The following TMTC1 variants were observed in gnomAD, a reference collection of about 807,000 sequenced individuals.
The protein encoded by TMTC1 is protein O-mannosyl-transferase TMTC1.
Under a neutral mutation model 104.8 loss-of-function variants are expected in TMTC1, and 73 were observed. That is an observed-to-expected ratio of 0.70 (90% CI 0.58 to 0.85). TMTC1 has a LOEUF of 0.85. TMTC1 is among the 40% of genes least tolerant of loss of function. The probability of loss-of-function intolerance (pLI) is 0.00; values close to 1 mark genes in which losing one functional copy is unlikely to be tolerated. For missense variants in TMTC1, 1,035 were observed against 1,096.1 expected, an observed-to-expected ratio of 0.94 and a Z score of 0.79; for synonymous variants, 434 against 428.7, an observed-to-expected ratio of 1.01 and a Z score of -0.15.
chr12:29,702,518 G>A (rs190182234), intron 5 of TMTC1, among the ~76,000 whole-genome samples: 87 of 152,312 alleles, frequency 5.7e-4, no homozygotes, highest in African/African-American at 1.9e-3. Context: ...CATCCTCAGA[G>A]AAAGTGAGCG....
chr12:29,552,425 T>C (rs753540511), intron 10 of TMTC1, among the ~76,000 whole-genome samples: 2 of 152,250 alleles, frequency 1.3e-5, no homozygotes, highest in Non-Finnish European at 2.9e-5. Context: ...CTTTTTAAAA[T>C]GTTTTAAAAT....
chr12:29,560,846 T>C (rs1180269084), intron 9 of TMTC1, among the ~76,000 whole-genome samples: 9 of 152,204 alleles, frequency 5.9e-5, no homozygotes, highest in South Asian at 2.1e-4. Flanking sequence ...AGCATGTTAA[T>C]AGGAAAAAGT....
chr12:29,602,122 C>T (rs1358514105), intron 7 of TMTC1, among the ~76,000 whole-genome samples: 1 of 151,938 alleles, frequency 6.6e-6, no homozygotes, highest in African/African-American at 2.4e-5. Flanking sequence ...GCTTGAGCCA[C>T]CGCGCCTGGC....
intron 14 of TMTC1, among the ~76,000 whole-genome samples, chr12:29,516,934 G>T (rs998035357): frequency 1.3e-5 from 2 of 152,108 alleles, no homozygotes; most frequent in African/African-American, 2.4e-5. Flanking sequence ...AATACACTGT[G>T]GTTATGTTAG....
At chr12:29,714,250 C>T (rs768416087) in intron 5 of TMTC1, among the ~76,000 whole-genome samples, 1 of 152,192 alleles carries the variant, frequency 6.6e-6, no homozygotes, top group Admixed American at 6.5e-5. Context: ...TAGTGGCCAG[C>T]GCAGCTTGCA....
chr12:29,705,920 A>G (rs543569153), intron 5 of TMTC1, among the ~76,000 whole-genome samples: 1 of 152,258 alleles, frequency 6.6e-6, no homozygotes, highest in South Asian at 2.1e-4. Context: ...CTAATTCCCA[A>G]GAATGTCTGC....
chr12:29,568,752 G>A, intron 9 of TMTC1: 1 of 351,984 alleles, frequency 2.8e-6, no homozygotes, highest in Non-Finnish European at 5.7e-6. Context: ...TATTCAGGGA[G>A]AATCACTATT....
At chr12:29,782,536 C>T (rs998851385) in intron 1 of TMTC1, among the ~76,000 whole-genome samples, 1 of 152,230 alleles carries the variant, frequency 6.6e-6, no homozygotes, top group Non-Finnish European at 1.5e-5. Context: ...TTAAAATGAA[C>T]TTCAATGCTG....
At chr12:29,708,140 G>T (rs377138369) in intron 5 of TMTC1, among the ~76,000 whole-genome samples, 4 of 152,116 alleles carry the variant, frequency 2.6e-5, no homozygotes, top group Non-Finnish European at 5.9e-5. Flanking sequence ...CCTCCAGAAG[G>T]ATACAACACA....
Position 29,633,042 on chromosome 12 carries a change from G to A in TMTC1, c.1128+105C>T. 4.8e-6 allele frequency: 5 copies of A among 1,046,598 alleles called. No individual in the cohort carries two copies. The South Asian group carries it at 9.3e-5, about 19-fold the overall frequency. The allele number at this position is 1,046,598 out of a possible 1,614,324, so 64.8% of individuals were successfully genotyped here. On this transcript the variant is annotated intron_variant, in intron 6 of 17. Coordinates refer to ENST00000539277, the MANE Select transcript of TMTC1 (RefSeq NM_001193451.2). ...TACAAAAAATTTACATAGACAAGGA[G>A]AGGAGATTCAATTTACACCCAGACC...
chr12:29,553,469 C>A (rs1374202510), intron 10 of TMTC1, among the ~76,000 whole-genome samples: 1 of 152,062 alleles, frequency 6.6e-6, no homozygotes, highest in Non-Finnish European at 1.5e-5. Context: ...GTGTAACAGG[C>A]AAGAGGAGGT....
intron 5 of TMTC1, among the ~76,000 whole-genome samples, chr12:29,725,166 T>A (rs1354815278): frequency 6.6e-6 from 1 of 150,834 alleles, no homozygotes; most frequent in Non-Finnish European, 1.5e-5. Context: ...TACAGGCACC[T>A]GCCACCATGT....
At chr12:29,596,354 C>CCCTTCCCTTAATGATA (rs2136372642) in intron 7 of TMTC1, among the ~76,000 whole-genome samples, 2 of 152,266 alleles carry the variant, frequency 1.3e-5, no homozygotes, top group African/African-American at 4.8e-5. Context: ...GCCACAGATT[C>CCCTTCCCTTAATGATA]CCTTCCAATG....
chr12:29,722,948 GAAAA>G (rs56699007), intron 5 of TMTC1, among the ~76,000 whole-genome samples: 64,277 of 142,466 alleles, frequency 0.45, 14,378 homozygotes, highest in South Asian at 0.63. Context: ...AAGAAAGAAA[GAAAA>G]AAGAAAAGAA....
At chr12:29,620,423 C>T (rs1254466277) in intron 6 of TMTC1, among the ~76,000 whole-genome samples, 2 of 152,176 alleles carry the variant, frequency 1.3e-5, no homozygotes, top group Non-Finnish European at 2.9e-5. Context: ...AGGGGACTGG[C>T]TTCCACTTGA....
At chr12:29,667,023 A>G (rs1565753384) in intron 5 of TMTC1, among the ~76,000 whole-genome samples, 2 of 152,234 alleles carry the variant, frequency 1.3e-5, no homozygotes, top group Non-Finnish European at 2.9e-5. Context: ...TCAAGAAAAA[A>G]GATTTCTCAG....
rs1393966796 is a variant in TMTC1 at position 29,781,608 on chromosome 12, C to T, written c.302+1842G>A. On this transcript the variant is annotated intron_variant, in intron 1 of 17. Transcript: ENST00000539277. ...CTGGGAGGCTGAGGCTTAAAGATCG[C>T]TTAGCCCAGGAGTTCAACACCAGCC... 3.3e-5 allele frequency among the ~76,000 whole-genome samples: 5 copies of T among 152,164 alleles called. No homozygotes were observed. In the East Asian group the frequency reaches 9.6e-4, roughly 29 times the overall value.
At chr12:29,774,143 T>G (rs1295007269) in intron 1 of TMTC1, among the ~76,000 whole-genome samples, 3 of 152,128 alleles carry the variant, frequency 2.0e-5, no homozygotes, top group Non-Finnish European at 4.4e-5. Flanking sequence ...CATCTCAACC[T>G]CATTAAACAT....
chr12:29,738,979 G>A (rs559297191), intron 5 of TMTC1, among the ~76,000 whole-genome samples: 19 of 152,204 alleles, frequency 1.2e-4, no homozygotes, highest in East Asian at 1.9e-4. Context: ...ACAAATATGC[G>A]GGATTCAATT....
Sources: gnomAD v4.1 joint callset for allele counts (sites outside exome capture counted in the v4.1 genomes callset) on GRCh38, gnomAD v4.1.1 for gene constraint, MANE v1.5 for transcripts, NCBI Gene and HGNC (gene_info 2026-07-23, HGNC 2026-07-21) for gene names.